CNTN5: variants seen among roughly 807,000 people sequenced by gnomAD.
The protein encoded by CNTN5 is contactin 5.
In CNTN5, 77 loss-of-function variants were observed where a neutral mutation model predicts 129.1. The ratio of observed to expected loss-of-function variants is 0.60; its 90% CI spans 0.50 to 0.72. The LOEUF is 0.72. Among genes scored for constraint, CNTN5 ranks in the 30% least tolerant of loss-of-function variants. CNTN5 has a pLI of 0.00. For missense variants in CNTN5, 1,478 were observed against 1,328.8 expected (o/e 1.11, Z -1.75); for synonymous variants, 509 against 465.6 (o/e 1.09, Z -1.20).
Position 99,074,077 on chromosome 11 carries a change from G to A in CNTN5, c.-210+52807G>A, listed in dbSNP as rs1402843126. Among the ~76,000 whole-genome samples the A allele has an allele frequency of 1.1e-4, 17 of 152,182 alleles. No homozygotes were observed. In the East Asian group the frequency reaches 3.3e-3, roughly 29 times the overall value. On this transcript the variant is annotated intron_variant, in intron 1 of 24. Transcript: ENST00000524871. ...TTTTTAATGATTGCCATTCTAACTG[G>A]CATGAGATGTTATCTCATTGTGGTT...
At chr11:100,057,702 T>C (rs554497183) in intron 9 of CNTN5, among the ~76,000 whole-genome samples, 6 of 152,112 alleles carry the variant, frequency 3.9e-5, no homozygotes, top group Non-Finnish European at 7.4e-5. Flanking sequence ...CATAGCATCT[T>C]TGTGCCCAAA....
At chr11:99,835,083 G>A (rs1947260186) in intron 4 of CNTN5, among the ~76,000 whole-genome samples, 1 of 152,266 alleles carries the variant, frequency 6.6e-6, no homozygotes, top group East Asian at 1.9e-4. Flanking sequence ...CCCCTCCAAG[G>A]AGACTCTGTC....
At chr11:99,582,868 G>T (rs553852742) in intron 3 of CNTN5, among the ~76,000 whole-genome samples, 1 of 152,164 alleles carries the variant, frequency 6.6e-6, no homozygotes, top group African/African-American at 2.4e-5. Context: ...TGCTGGTGAG[G>T]AGCTGTGTTC....
intron 3 of CNTN5, among the ~76,000 whole-genome samples, chr11:99,653,514 T>G (rs1169926795): frequency 6.6e-6 from 1 of 152,032 alleles, no homozygotes; most frequent in Non-Finnish European, 1.5e-5. Context: ...AAAGAAAGTG[T>G]GTATCTTGGT....
At chr11:99,583,630 C>T (rs12289053) in intron 3 of CNTN5, among the ~76,000 whole-genome samples, 11,827 of 152,240 alleles carry the variant, frequency 0.078, 719 homozygotes, top group African/African-American at 0.17. Context: ...GAGCCATGCG[C>T]GGGATATAAT....
At chr11:99,777,189 A>C (rs950809596) in intron 3 of CNTN5, among the ~76,000 whole-genome samples, 3 of 151,854 alleles carry the variant, frequency 2.0e-5, no homozygotes, top group African/African-American at 7.2e-5. Context: ...ACAATTTACT[A>C]TTCAAAAAAA....
intron 21 of CNTN5, among the ~76,000 whole-genome samples, chr11:100,321,868 A>C (rs759436460): frequency 6.6e-5 from 10 of 152,200 alleles, no homozygotes; most frequent in Non-Finnish European, 1.2e-4. Context: ...TGCAAATATT[A>C]AACCATCCTT....
In CNTN5 at chr11:99,528,786, G is replaced by A. The variant is rs192457624; in HGVS notation, c.-70-27359G>A. Among the ~76,000 whole-genome samples, 223 of 152,228 alleles carry A rather than the reference G, an allele frequency of 1.5e-3. 2 individuals are homozygous for A. Among genetic ancestry groups the A allele is most frequent in the African/African-American group, 5.2e-3 (215 of 41,550 alleles). ...CAGCCAGGTGCCTATGGCTCAGGCC[G>A]GGCGTAGTGGCTCATGCCTGTAATC... On this transcript the variant is annotated intron_variant, in intron 2 of 24. Transcript: ENST00000524871.
chr11:100,235,476 G>A (rs996526350), intron 16 of CNTN5, among the ~76,000 whole-genome samples: 1 of 152,168 alleles, frequency 6.6e-6, no homozygotes, highest in Non-Finnish European at 1.5e-5. Flanking sequence ...GGAGGAGGCG[G>A]TAAGGTAGAT....
At chr11:99,501,599 G>A (rs1946429484) in intron 2 of CNTN5, among the ~76,000 whole-genome samples, 1 of 152,036 alleles carries the variant, frequency 6.6e-6, no homozygotes, top group Non-Finnish European at 1.5e-5. Flanking sequence ...CCATTCTTAG[G>A]ACAAAAAAAG....
intron 1 of CNTN5, among the ~76,000 whole-genome samples, chr11:99,100,432 C>T (rs1293326525): frequency 2.0e-5 from 3 of 152,032 alleles, no homozygotes; most frequent in Non-Finnish European, 4.4e-5. Context: ...TTTATGCATA[C>T]TATAAATCCT....
At chr11:99,195,801 C>G (rs1473218836) in intron 1 of CNTN5, among the ~76,000 whole-genome samples, 6 of 151,860 alleles carry the variant, frequency 4.0e-5, no homozygotes, top group Non-Finnish European at 8.8e-5. Context: ...ATATTTATAT[C>G]TAGAAGATAT....
At chr11:99,306,413 A>C (rs998160038) in intron 1 of CNTN5, among the ~76,000 whole-genome samples, 2 of 152,220 alleles carry the variant, frequency 1.3e-5, no homozygotes, top group Non-Finnish European at 2.9e-5. Flanking sequence ...CGTATAGACA[A>C]GGTAAATAAA....
intron 3 of CNTN5, among the ~76,000 whole-genome samples, chr11:99,788,606 T>C (rs1945622620): frequency 6.6e-6 from 1 of 152,036 alleles, no homozygotes; most frequent in African/African-American, 2.4e-5. Context: ...CTTCTAGAAG[T>C]TGATGCAACT....
At chr11:99,911,040 G>A (rs1189474681) in intron 6 of CNTN5, among the ~76,000 whole-genome samples, 1 of 152,034 alleles carries the variant, frequency 6.6e-6, no homozygotes, top group Non-Finnish European at 1.5e-5. Context: ...GGCCTCTCAT[G>A]TTGAGAAGCC....
intron 1 of CNTN5, among the ~76,000 whole-genome samples, chr11:99,070,525 A>G (rs967397725): frequency 4.8e-5 from 6 of 124,518 alleles, no homozygotes; most frequent in Non-Finnish European, 9.9e-5. Flanking sequence ...ATATGCATGC[A>G]GATAAAAAAA....
intron 3 of CNTN5, among the ~76,000 whole-genome samples, chr11:99,696,099 G>A (rs1382736288): frequency 6.6e-6 from 1 of 151,950 alleles, no homozygotes; most frequent in African/African-American, 2.4e-5. Flanking sequence ...AAACTGAAAA[G>A]GGATGTATAA....
chr11:100,348,697 C>A (rs1164349799), intron 23 of CNTN5, among the ~76,000 whole-genome samples: 2 of 151,972 alleles, frequency 1.3e-5, no homozygotes, highest in Non-Finnish European at 2.9e-5. Context: ...CACGATGCTC[C>A]AGACGAAATC....
chr11:99,761,371 T>G (rs1357018018), intron 3 of CNTN5, among the ~76,000 whole-genome samples: 1 of 152,140 alleles, frequency 6.6e-6, no homozygotes, highest in East Asian at 1.9e-4. Flanking sequence ...ACCCACTAAC[T>G]TGTCATCTAG....
Sources: gnomAD v4.1 joint callset for allele counts (sites outside exome capture counted in the v4.1 genomes callset) on GRCh38, gnomAD v4.1.1 for gene constraint, MANE v1.5 for transcripts, NCBI Gene and HGNC (gene_info 2026-07-23, HGNC 2026-07-21) for gene names.